Variants in L3MBTL4 observed in about 807,000 individuals in gnomAD.
The protein encoded by L3MBTL4 is L3MBTL histone methyl-lysine binding protein 4.
L3MBTL4 carries 70 observed loss-of-function variants against 84.5 expected under a neutral mutation model. That is an observed-to-expected ratio of 0.83 (90% CI 0.68 to 1.01). The LOEUF (loss-of-function observed/expected upper bound fraction) is 1.01, where lower values mean the gene tolerates loss of function less well. Among genes scored for constraint, L3MBTL4 ranks in the 50% least tolerant of loss-of-function variants. The probability of loss-of-function intolerance (pLI) is 0.00; values close to 1 mark genes in which losing one functional copy is unlikely to be tolerated. For missense variants in L3MBTL4, 715 were observed against 754.8 expected (o/e 0.95, Z 0.62); for synonymous variants, 274 against 259.8 (o/e 1.05, Z -0.52).
chr18:5,991,807 G>GA lies in L3MBTL4; in HGVS notation c.1445-22246dup, dbSNP rs1249238122. ...TCAGCTGTAAAATACCAGGTCATCTGAAAAAAATCAACACTGGCTGAACCT... is the reference window on the plus strand; with the variant it reads ...TCAGCTGTAAAATACCAGGTCATCTGAAAAAAAATCAACACTGGCTGAACCT... On this transcript the variant is annotated intron_variant, in intron 16 of 18. Coordinates refer to ENST00000317931, the MANE Select transcript of L3MBTL4 (RefSeq NM_001330559.2). 2.6e-5 allele frequency among the ~76,000 whole-genome samples: 4 copies of GA among 152,038 alleles called. No homozygotes were observed. In the East Asian group the frequency reaches 7.7e-4, roughly 29 times the overall value.
At chr18:5,968,192 AC>A (rs1450642382) in intron 17 of L3MBTL4, among the ~76,000 whole-genome samples, 1 of 152,188 alleles carries the variant, frequency 6.6e-6, no homozygotes, top group Non-Finnish European at 1.5e-5. Context: ...GACTAATTTA[AC>A]TGCAGCTGTA....
intron 4 of L3MBTL4, among the ~76,000 whole-genome samples, chr18:6,275,516 C>T (rs891631802): frequency 2.6e-5 from 4 of 152,028 alleles, no homozygotes; most frequent in Admixed American, 1.3e-4. Flanking sequence ...GCCTCGGGAT[C>T]GTTTCCACTG....
chr18:6,092,962 C>A (rs1055015876), intron 15 of L3MBTL4, among the ~76,000 whole-genome samples: 3 of 152,040 alleles, frequency 2.0e-5, no homozygotes, highest in African/African-American at 7.2e-5. Context: ...AGATAAGAGA[C>A]GAAATCTTGA....
At chr18:5,967,520 A>AT (rs1406726537) in intron 17 of L3MBTL4, among the ~76,000 whole-genome samples, 3 of 151,630 alleles carry the variant, frequency 2.0e-5, no homozygotes, top group South Asian at 2.1e-4. Context: ...GATACATTCC[A>AT]TTTTTTTTCA....
intron 1 of L3MBTL4, among the ~76,000 whole-genome samples, chr18:6,344,829 A>G (rs1053727157): frequency 3.0e-4 from 45 of 152,090 alleles, no homozygotes; most frequent in African/African-American, 1.1e-3. Flanking sequence ...ATGATTAAAA[A>G]AAAACTCTCA....
At chr18:6,114,865 G>C (rs975496078) in intron 14 of L3MBTL4, among the ~76,000 whole-genome samples, 1 of 152,082 alleles carries the variant, frequency 6.6e-6, no homozygotes, top group African/African-American at 2.4e-5. Context: ...ATGAGTCAAA[G>C]GATACCTGCA....
intron 16 of L3MBTL4, among the ~76,000 whole-genome samples, chr18:6,066,917 TTTG>T (rs1366285534): frequency 1.3e-5 from 2 of 148,792 alleles, no homozygotes; most frequent in African/African-American, 2.6e-5. Context: ...GCCTAGATAC[TTTG>T]TTTTTTTTTT....
At chr18:6,344,589 A>G (rs776773059) in intron 1 of L3MBTL4, among the ~76,000 whole-genome samples, 38 of 152,204 alleles carry the variant, frequency 2.5e-4, no homozygotes, top group Non-Finnish European at 2.8e-4. Flanking sequence ...ATTCCAATAT[A>G]CTAAAATTAC....
chr18:6,153,898 A>C (rs2042993885), intron 13 of L3MBTL4, among the ~76,000 whole-genome samples: 1 of 152,202 alleles, frequency 6.6e-6, no homozygotes, highest in Admixed American at 6.5e-5. Flanking sequence ...GAGTCAATTA[A>C]ACCCCTTCCT....
chr18:6,213,487 AC>A (rs2046200130), intron 11 of L3MBTL4, among the ~76,000 whole-genome samples: 1 of 152,148 alleles, frequency 6.6e-6, no homozygotes, highest in Admixed American at 6.5e-5. Context: ...ATCTCAGCTC[AC>A]TGCAACCTCC....
intron 16 of L3MBTL4, among the ~76,000 whole-genome samples, chr18:6,052,976 A>G (rs1394096183): frequency 3.9e-5 from 6 of 152,248 alleles, no homozygotes; most frequent in Admixed American, 3.3e-4. Flanking sequence ...CGTCCCGTTA[A>G]TTTGTATTTC....
chr18:6,029,771 GT>G, intron 16 of L3MBTL4: 1 of 985,344 alleles, frequency 1.0e-6, no homozygotes, highest in Non-Finnish European at 1.2e-6. Context: ...GAAAAAAGTT[GT>G]ACCAGAAAAA....
intron 1 of L3MBTL4, chr18:6,396,042 G>A (rs1467478465): frequency 6.6e-6 from 1 of 151,802 alleles, no homozygotes; most frequent in African/African-American, 2.4e-5. Context: ...GGCCAGTATA[G>A]GTGAGAAAAA....
chr18:6,108,317 A>G (rs1001881496), intron 14 of L3MBTL4, among the ~76,000 whole-genome samples: 1 of 152,192 alleles, frequency 6.6e-6, no homozygotes, highest in East Asian at 1.9e-4. Context: ...AATAATATTC[A>G]AAACAGCAGA....
At chr18:6,136,704 T>A (rs542757947) in intron 14 of L3MBTL4, among the ~76,000 whole-genome samples, 3 of 152,320 alleles carry the variant, frequency 2.0e-5, no homozygotes, top group African/African-American at 7.2e-5. Flanking sequence ...CTAAAAATTC[T>A]GTAATGGGGA....
intron 5 of L3MBTL4, 42 bp downstream of exon 5, chr18:6,263,905 G>A: frequency 1.5e-6 from 2 of 1,299,508 alleles, no homozygotes; most frequent in South Asian, 1.2e-5. Flanking sequence ...AACCTCTTAA[G>A]TGTTGCTTCC....
chr18:6,387,909 G>T (rs528941296), intron 1 of L3MBTL4, among the ~76,000 whole-genome samples: 18 of 152,228 alleles, frequency 1.2e-4, no homozygotes, highest in Middle Eastern at 3.4e-3. Context: ...CCATGCAAAC[G>T]TCAACAAAAA....
At chr18:6,133,042 G>A (rs185733586) in intron 14 of L3MBTL4, among the ~76,000 whole-genome samples, 151 of 152,236 alleles carry the variant, frequency 9.9e-4, no homozygotes, top group Non-Finnish European at 2.9e-4. Flanking sequence ...ATGGTGTGAC[G>A]AACTTTGACG....
chr18:6,102,131 G>T (rs1428988569), intron 14 of L3MBTL4, among the ~76,000 whole-genome samples: 1 of 152,182 alleles, frequency 6.6e-6, no homozygotes, highest in Non-Finnish European at 1.5e-5. Context: ...ATCAGAGGCT[G>T]TAATTGTTTA....
Sources: allele counts gnomAD v4.1 joint callset (sites outside exome capture counted in the v4.1 genomes callset), GRCh38; gene constraint gnomAD v4.1.1; transcripts MANE v1.5; gene names NCBI Gene and HGNC (gene_info 2026-07-23, HGNC 2026-07-21).